Variants in SLC6A5 observed in about 807,000 individuals in gnomAD.
SLC6A5 encodes solute carrier family 6 member 5.
In SLC6A5, 58 loss-of-function variants were observed where a neutral mutation model predicts 90.5. The ratio of observed to expected loss-of-function variants is 0.64; its 90% CI spans 0.52 to 0.80. The LOEUF is 0.80. Among genes scored for constraint, SLC6A5 ranks in the 30% least tolerant of loss-of-function variants. The pLI, the probability that SLC6A5 is intolerant of heterozygous loss-of-function variation, is 0.00. For missense variants in SLC6A5, 1,015 were observed against 1,017.6 expected (o/e 1.00, Z 0.03); for synonymous variants, 427 against 401.4 (o/e 1.06, Z -0.76).
intron 14 of SLC6A5, among the ~76,000 whole-genome samples, chr11:20,651,268 C>T (rs1853526820): frequency 7.2e-6 from 1 of 138,866 alleles, no homozygotes; most frequent in Non-Finnish European, 1.6e-5. Flanking sequence ...TCCCCCACCC[C>T]TCCTATGCCC....
At chr11:20,627,844 T>C (rs906108567) in intron 8 of SLC6A5, 136 bp from the exon 9 acceptor site, 13 of 707,696 alleles carry the variant, frequency 1.8e-5, no homozygotes, top group African/African-American at 7.0e-5. Context: ...TATGTTCTCA[T>C]TGATGTTGAT....
chr11:20,610,962 G>A (rs553860865), intron 5 of SLC6A5, among the ~76,000 whole-genome samples: 5 of 152,276 alleles, frequency 3.3e-5, no homozygotes, highest in African/African-American at 1.2e-4. Flanking sequence ...CTAGACAGAA[G>A]TATTGTTATA....
intron 7 of SLC6A5, among the ~76,000 whole-genome samples, chr11:20,624,937 C>T (rs536118167): frequency 6.6e-6 from 1 of 152,242 alleles, no homozygotes; most frequent in African/African-American, 2.4e-5. Flanking sequence ...TTCCAATAGC[C>T]CCATGAAGAA....
intron 14 of SLC6A5, among the ~76,000 whole-genome samples, chr11:20,650,809 G>GGCGCCCGCTACC (rs1187068947): frequency 1.3e-5 from 2 of 151,874 alleles, no homozygotes; most frequent in Admixed American, 1.3e-4. Context: ...TCGGACTACA[G>GGCGCCCGCTACC]GCGCCCGCTA....
intron 1 of SLC6A5, 64 bp from the exon 2 acceptor site, chr11:20,601,065 A>G: frequency 6.6e-7 from 1 of 1,505,178 alleles, no homozygotes; most frequent in Non-Finnish European, 8.9e-7. Flanking sequence ...CTCCATATCT[A>G]GATACAGGTA....
rs1356448850 is a variant in SLC6A5 at position 20,604,531 on chromosome 11, C to G, written c.679+107C>G. On this transcript the variant is annotated intron_variant, in intron 3 of 15. Coordinates refer to ENST00000525748, the MANE Select transcript of SLC6A5 (RefSeq NM_004211.5). ...GGCCGCCGGGCGGGGAGGCTCAGGA[C>G]AGCCTCCTTAGGCTCCAGCCCTACA... 12 of 1,388,404 alleles carry G rather than the reference C, an allele frequency of 8.6e-6. No homozygotes were observed. The East Asian group carries it at 1.1e-4, about 13-fold the overall frequency. The allele number at this position is 1,388,404 out of a possible 1,614,324, so 86.0% of individuals were successfully genotyped here.
At chr11:20,608,918 GTCTGTCTCTCTCTCTCTC>G (rs1331832103) in intron 5 of SLC6A5, among the ~76,000 whole-genome samples, 33 of 79,190 alleles carry the variant, frequency 4.2e-4, no homozygotes, top group African/African-American at 1.8e-3. Context: ...CTGTCTGTCT[GTCTGTCTCTCTCTCTCTC>G]TCTCTCTCTC....
intron 10 of SLC6A5, among the ~76,000 whole-genome samples, chr11:20,635,853 C>T (rs1853194944): frequency 6.6e-6 from 1 of 152,182 alleles, no homozygotes; most frequent in South Asian, 2.1e-4. Flanking sequence ...TATCCTACCC[C>T]TACCCCCAGC....
rs370151412 is a variant in SLC6A5 at position 20,601,476 on chromosome 11, G to C, written c.351G>C (p.Ala117=). The C allele has an allele frequency of 9.5e-5, 154 of 1,612,586 alleles. No individual in the cohort carries two copies. The highest frequency in any genetic ancestry group is 1.2e-4 in the Non-Finnish European group (142 of 1,179,468). ...PPPGSSGPGN[A]LHCKIPFLRG... Reference sequence around the variant, plus strand: ...CCGGGAGCTCCGGGCCCGGCAACGCGCTGCACTGTAAGATCCCTTTTCTGC... The same window carrying C: ...CCGGGAGCTCCGGGCCCGGCAACGCCCTGCACTGTAAGATCCCTTTTCTGC... The change falls in exon 2 of 16, where the codon GCG becomes GCC. Residue 117 remains alanine, a synonymous_variant. Coordinates refer to ENST00000525748, the MANE Select transcript of SLC6A5 (RefSeq NM_004211.5).
At chr11:20,642,135 AAAAATATG>A (rs1853326067) in intron 13 of SLC6A5, among the ~76,000 whole-genome samples, 1 of 151,520 alleles carries the variant, frequency 6.6e-6, no homozygotes, top group East Asian at 2.0e-4. Context: ...CTTGTTAAAA[AAAAATATG>A]AAGTTCAATA....
At chr11:20,601,825 C>A (rs1852486909) in intron 2 of SLC6A5, among the ~76,000 whole-genome samples, 160 bp downstream of exon 2, 1 of 152,214 alleles carries the variant, frequency 6.6e-6, no homozygotes, top group Non-Finnish European at 1.5e-5. Context: ...GAAGCTCGCA[C>A]TGCGCTGGGG....
chr11:20,612,481 A>G (rs1370681219), intron 5 of SLC6A5, among the ~76,000 whole-genome samples: 2 of 152,200 alleles, frequency 1.3e-5, no homozygotes, highest in East Asian at 1.9e-4. Flanking sequence ...AGAACATAAA[A>G]TGGGAGTCCA....
chr11:20,607,584 T>G lies in SLC6A5; in HGVS notation c.917T>G (p.Leu306Arg), dbSNP rs1852609141. 2.5e-6 allele frequency: 4 copies of G among 1,614,140 alleles called. No individual in the cohort carries two copies. Among genetic ancestry groups the G allele is most frequent in the Non-Finnish European group, 3.4e-6 (4 of 1,179,954 alleles). Residue 306 changes from leucine to arginine, a missense_variant, in exon 5 of 16, where the codon CTA becomes CGA. This residue lies in a region of SLC6A5 where 567 missense variants were observed against 507.3 expected (regional missense o/e 1.12). Coordinates refer to ENST00000525748, the MANE Select transcript of SLC6A5 (RefSeq NM_004211.5). Reference protein sequence around the residue: ...FYLFASFVSVLPWGSCNNPWN... With the variant: ...FYLFASFVSVRPWGSCNNPWN... ...CTGTTTGCCTCCTTTGTGTCTGTAC[T>G]ACCCTGGGGCTCCTGCAACAACCCT... is the stretch of plus-strand genomic sequence containing the variant.
chr11:20,608,946 CTCTCTCTCTCTCTGTGTG>C lies in SLC6A5; in HGVS notation c.985+1296_985+1313del, dbSNP rs1325418470. On this transcript the variant is annotated intron_variant, in intron 5 of 15. Transcript: ENST00000525748. Reference sequence around the variant, plus strand: ...TGTCTCTCTCTCTCTCTCTCTCTCTCTCTCTCTCTCTCTGTGTGTGTGTGTGTGTGTGTGTGTGTGTGT... The same window carrying C: ...TGTCTCTCTCTCTCTCTCTCTCTCTCTGTGTGTGTGTGTGTGTGTGTGTGT... 2.4e-4 allele frequency among the ~76,000 whole-genome samples: 27 copies of C among 114,156 alleles called. No individual in the cohort carries two copies. The East Asian group carries it at 3.9e-3, about 16-fold the overall frequency. 74.9% of individuals were successfully genotyped at this position (114,156 alleles called of 152,430 possible).
intron 5 of SLC6A5, among the ~76,000 whole-genome samples, chr11:20,613,538 G>A (rs535802849): frequency 6.6e-6 from 1 of 151,790 alleles, no homozygotes; most frequent in South Asian, 2.1e-4. Context: ...TCATTAAAGT[G>A]TTCAACACAG....
intron 14 of SLC6A5, among the ~76,000 whole-genome samples, chr11:20,650,655 C>CTTTTTTTTTTT (rs55849528): frequency 1.3e-5 from 1 of 79,842 alleles, no homozygotes; most frequent in African/African-American, 5.1e-5. Context: ...GACGCCTGTT[C>CTTTTTTTTTTT]TTTTTTTTTT....
chr11:20,637,145 G>A (rs1354931339), intron 11 of SLC6A5, 27 bp from the exon 12 acceptor site: 1 of 1,613,278 alleles, frequency 6.2e-7, no homozygotes, highest in South Asian at 1.1e-5. Context: ...ATTTGACTCA[G>A]ATGTTCATTT....
At chr11:20,616,745 G>A (rs1169717162) in intron 6 of SLC6A5, among the ~76,000 whole-genome samples, 1 of 152,184 alleles carries the variant, frequency 6.6e-6, no homozygotes, top group East Asian at 1.9e-4. Context: ...TCTGCACAGG[G>A]TTGGCCATCA....
chr11:20,618,980 A>ACACACACACACACACAC (rs1555041127), intron 7 of SLC6A5, among the ~76,000 whole-genome samples: 2 of 146,556 alleles, frequency 1.4e-5, no homozygotes, highest in African/African-American at 2.5e-5. Context: ...ACACACACAC[A>ACACACACACACACACAC]AAGAAAAACC....
Sources: allele counts gnomAD v4.1 joint callset (sites outside exome capture counted in the v4.1 genomes callset), GRCh38; gene constraint gnomAD v4.1.1; regional missense constraint gnomAD v4.1.1; transcripts MANE v1.5; gene names NCBI Gene and HGNC (gene_info 2026-07-23, HGNC 2026-07-21).